Variants in UBE2L3 observed in about 807,000 individuals in gnomAD.
The protein encoded by UBE2L3 is ubiquitin-conjugating enzyme E2 L3.
A neutral mutation model predicts 17.8 loss-of-function variants in UBE2L3; 1 was observed. The ratio of observed to expected loss-of-function variants is 0.06; its 90% confidence interval spans 0.02 to 0.27. The LOEUF is 0.27. Ranked by LOEUF, UBE2L3 falls within the 10% of genes least tolerant of loss-of-function variation. The pLI, the probability that UBE2L3 is intolerant of heterozygous loss-of-function variation, is 1.00. For missense variants in UBE2L3, 40 were observed against 192.6 expected (o/e 0.21, Z 4.69); for synonymous variants, 44 against 68.5 (o/e 0.64, Z 1.76).
At position 21,577,258 on chromosome 22, in the gene UBE2L3, G is replaced by A. The variant is rs566232335; in HGVS notation, c.27+9487G>A. 3.3e-5 allele frequency among the ~76,000 whole-genome samples: 5 copies of A among 152,032 alleles called. No individual in the cohort carries two copies. In the East Asian group the frequency reaches 7.7e-4, roughly 23 times the overall value. On this transcript the variant is annotated intron_variant, in intron 1 of 3. Transcript: ENST00000342192. ...GCTGGTATTACAGGCGTGAGCCACC[G>A]TGCCTGGCCTGATTTTTGCATTTTT...
Position 21,570,948 on chromosome 22 carries a change from A to G in UBE2L3, c.27+3177A>G, listed in dbSNP as rs191964182. Among the ~76,000 whole-genome samples, 9 of 152,330 alleles carry G rather than the reference A, an allele frequency of 5.9e-5. No homozygotes were observed. In the East Asian group the frequency reaches 1.7e-3, roughly 29 times the overall value. ...CCACAGCAAAGATTTCTTTGTAACA[A>G]TGGACTGTCTGCAGATAGTGTAAAA... On this transcript the variant is annotated intron_variant, in intron 1 of 3. Transcript: ENST00000342192.
chr22:21,565,491 C>T (rs948188360), upstream of UBE2L3, among the ~76,000 whole-genome samples: 1 of 151,598 alleles, frequency 6.6e-6, no homozygotes, highest in African/African-American at 2.4e-5. Context: ...GTGACTCACA[C>T]CTATAATCCC....
intron 3 of UBE2L3, among the ~76,000 whole-genome samples, chr22:21,620,973 A>G (rs750064781): frequency 2.0e-5 from 3 of 152,144 alleles, no homozygotes; most frequent in South Asian, 2.1e-4. Context: ...AGTCAGTTCA[A>G]TACTAGGCCT....
chr22:21,610,791 C>G, intron 2 of UBE2L3, 66 bp from the exon 3 acceptor site: 1 of 1,422,966 alleles, frequency 7.0e-7, no homozygotes, highest in Non-Finnish European at 9.3e-7. Flanking sequence ...ACAATTAAAA[C>G]ATTCCTGTCT....
intron 1 of UBE2L3, among the ~76,000 whole-genome samples, chr22:21,573,925 C>G (rs894973543): frequency 6.6e-5 from 10 of 152,180 alleles, no homozygotes; most frequent in African/African-American, 2.4e-4. Flanking sequence ...GCCAGGCCAG[C>G]CTTGGAGGGT....
At chr22:21,605,355 T>C (rs1370144771) in intron 2 of UBE2L3, among the ~76,000 whole-genome samples, 1 of 152,156 alleles carries the variant, frequency 6.6e-6, no homozygotes, top group East Asian at 1.9e-4. Context: ...GTAGATGTGA[T>C]TACAGGTGCG....
chr22:21,567,623 G>C, upstream of UBE2L3: 3 of 1,534,892 alleles, frequency 2.0e-6, no homozygotes, highest in South Asian at 1.2e-5. Context: ...GCACACAGTA[G>C]GTGCTCCGCT....
intron 3 of UBE2L3, among the ~76,000 whole-genome samples, chr22:21,615,467 A>G (rs953045479): frequency 6.6e-6 from 1 of 151,316 alleles, no homozygotes; most frequent in Non-Finnish European, 1.5e-5. Context: ...AGGCAGGAGA[A>G]TGGCGTGAAC....
rs577183595 is a variant in UBE2L3 at position 21,621,921 on chromosome 22, A to G, written c.*252A>G. On this transcript the variant is annotated 3_prime_UTR_variant, in exon 4 of 4. Coordinates refer to ENST00000342192, the MANE Select transcript of UBE2L3 (RefSeq NM_003347.4). ...AATCACTGCTTCAATCTACTTCAAA[A>G]GAATGGTGTTTCTTTTCTTGTCCAA... 1.3e-3 allele frequency: 540 copies of G among 418,778 alleles called. 1 individual carries two copies. The highest frequency in any genetic ancestry group is 7.5e-3 in the Middle Eastern group (12 of 1,600). 25.9% of individuals were successfully genotyped at this position (418,778 alleles called of 1,614,324 possible).
chr22:21,612,653 T>C lies in UBE2L3; in HGVS notation c.310+1610T>C, dbSNP rs568888932. On this transcript the variant is annotated intron_variant, in intron 3 of 3. Coordinates refer to ENST00000342192, the MANE Select transcript of UBE2L3 (RefSeq NM_003347.4). ...TTTTTCTTTTCTTTTCTTTTTTTTT[T>C]TTTTTTTTTTTTTTTTTTGAGACGG... Among the ~76,000 whole-genome samples, 873 of 110,026 alleles carry C rather than the reference T, an allele frequency of 7.9e-3. 19 individuals carry two copies. Among genetic ancestry groups the C allele is most frequent in the African/African-American group, 0.034 (821 of 24,370 alleles). 72.2% of individuals were successfully genotyped at this position (110,026 alleles called of 152,430 possible). A position where few individuals can be genotyped will look rare whatever the true frequency, so the allele number is the denominator to read the frequency against.
At chr22:21,588,791 T>G (rs990207500) in intron 1 of UBE2L3, among the ~76,000 whole-genome samples, 3 of 151,994 alleles carry the variant, frequency 2.0e-5, no homozygotes, top group Non-Finnish European at 4.4e-5. Flanking sequence ...GCCTCCCAAG[T>G]AGCTGGGATT....
intron 1 of UBE2L3, among the ~76,000 whole-genome samples, chr22:21,587,505 G>A (rs761576855): frequency 6.6e-6 from 1 of 152,210 alleles, no homozygotes; most frequent in Non-Finnish European, 1.5e-5. Context: ...TGGCTCCTGA[G>A]GGGTTCTGAA....
intron 1 of UBE2L3, among the ~76,000 whole-genome samples, chr22:21,562,395 G>A (rs1283986517): frequency 2.1e-5 from 3 of 141,548 alleles, no homozygotes; most frequent in Non-Finnish European, 4.5e-5. Flanking sequence ...TTTTTGAGAC[G>A]GAGTCTCGCT....
chr22:21,615,566 AAAAG>A lies in UBE2L3; in HGVS notation c.310+4531_310+4534del, dbSNP rs1406344110. Reference sequence around the variant, plus strand: ...CAAGACTCCGTCTCAAAAAAAAAAAAAAAGAAAGAAAATATGCTAAATGAAAGAA... The same window carrying A: ...CAAGACTCCGTCTCAAAAAAAAAAAAAAAGAAAATATGCTAAATGAAAGAA... On this transcript the variant is annotated intron_variant, in intron 3 of 3. Transcript: ENST00000342192. Among the ~76,000 whole-genome samples the A allele has an allele frequency of 2.0e-3, 300 of 152,190 alleles. 1 individual carries two copies. Among genetic ancestry groups the A allele is most frequent in the African/African-American group, 6.4e-3 (265 of 41,510 alleles).
At chr22:21,598,195 A>ATGTGTGTGTGTG (rs371127802) in intron 2 of UBE2L3, among the ~76,000 whole-genome samples, 17 of 148,512 alleles carry the variant, frequency 1.1e-4, no homozygotes, top group South Asian at 8.8e-4. Flanking sequence ...GGTTTCATTA[A>ATGTGTGTGTGTG]TGTGTGTGTG....
chr22:21,597,893 G>T (rs919837274), intron 2 of UBE2L3, among the ~76,000 whole-genome samples: 5 of 136,802 alleles, frequency 3.7e-5, no homozygotes, highest in Non-Finnish European at 6.1e-5. Context: ...AGGCTCAAGC[G>T]ATCCTCCCAC....
intron 3 of UBE2L3, among the ~76,000 whole-genome samples, chr22:21,617,774 A>G (rs1339072308): frequency 6.6e-6 from 1 of 152,234 alleles, no homozygotes; most frequent in Non-Finnish European, 1.5e-5. Context: ...TACTAGCAAA[A>G]TAAGTTCAGC....
chr22:21,586,294 T>TG (rs886089695), intron 1 of UBE2L3, among the ~76,000 whole-genome samples: 5 of 152,098 alleles, frequency 3.3e-5, no homozygotes, highest in Admixed American at 6.6e-5. Context: ...AGTCTCACTC[T>TG]GGGAGTCTGC....
At chr22:21,566,926 T>A (rs1420140768), upstream of UBE2L3, among the ~76,000 whole-genome samples, 1 of 152,194 alleles carries the variant, frequency 6.6e-6, no homozygotes, top group African/African-American at 2.4e-5. Context: ...CTTGGGCAAG[T>A]CACTGGCTTC....
Sources: allele counts gnomAD v4.1 joint callset (sites outside exome capture counted in the v4.1 genomes callset), GRCh38; gene constraint gnomAD v4.1.1; transcripts MANE v1.5; gene names NCBI Gene and HGNC (gene_info 2026-07-23, HGNC 2026-07-21).